ANO1: variants seen among roughly 807,000 people sequenced by gnomAD.
ANO1 encodes the protein anoctamin 1.
ANO1 carries 59 observed loss-of-function variants against 124.0 expected under a neutral mutation model. The ratio of observed to expected loss-of-function variants is 0.48; its 90% CI spans 0.39 to 0.59. ANO1 has a LOEUF of 0.59. Ranked by LOEUF, ANO1 falls within the 20% of genes least tolerant of loss-of-function variation. The pLI is 0.00. For missense variants in ANO1, 1,059 were observed against 1,328.0 expected, an observed-to-expected ratio of 0.80 and a Z score of 3.15; for synonymous variants, 529 against 532.0, an observed-to-expected ratio of 0.99 and a Z score of 0.08.
rs1236645829 is a variant in ANO1 at position 70,121,558 on chromosome 11, CCTCT to C, written c.898-2787_898-2784del. ...GTCTCTGTCTCTCTCCACCTTCCCA[CCTCT>C]CTCTATCTGTCTCTCTGTCTCTGTC... On this transcript the variant is annotated intron_variant, in intron 8 of 25. Transcript: ENST00000355303. 2.4e-4 allele frequency among the ~76,000 whole-genome samples: 34 copies of C among 142,398 alleles called. 1 individual carries two copies. Among genetic ancestry groups the C allele is most frequent in the South Asian group, 2.4e-4 (1 of 4,208 alleles). 93.4% of individuals were successfully genotyped at this position (142,398 alleles called of 152,430 possible).
At chr11:69,984,534 G>T (rs1167997048), upstream of ANO1, among the ~76,000 whole-genome samples, 1 of 152,126 alleles carries the variant, frequency 6.6e-6, no homozygotes, top group African/African-American at 2.4e-5. Context: ...AAGGAGACCC[G>T]GCAGGAAACA....
At chr11:70,044,376 T>A (rs1416305094) in intron 1 of ANO1, among the ~76,000 whole-genome samples, 1 of 152,116 alleles carries the variant, frequency 6.6e-6, no homozygotes, top group East Asian at 1.9e-4. Context: ...AGATTATAGT[T>A]TGAATCAAAA....
chr11:70,133,679 A>G (rs1260046092), intron 11 of ANO1, among the ~76,000 whole-genome samples: 2 of 152,188 alleles, frequency 1.3e-5, no homozygotes, highest in Non-Finnish European at 2.9e-5. Context: ...TCTCTCCAAC[A>G]GTGCATAAGA....
intron 16 of ANO1, among the ~76,000 whole-genome samples, chr11:70,159,275 C>T (rs976540583): frequency 3.9e-5 from 6 of 152,154 alleles, no homozygotes; most frequent in Admixed American, 3.3e-4. Context: ...CAGCCCCTGT[C>T]TGAAGGTGCT....
intron 11 of ANO1, among the ~76,000 whole-genome samples, chr11:70,141,369 A>G (rs1476145177): frequency 6.6e-6 from 1 of 151,962 alleles, no homozygotes; most frequent in Non-Finnish European, 1.5e-5. Context: ...CGACTCTGGG[A>G]GTGGGGGACT....
Position 70,180,000 on chromosome 11 carries a change from C to T in ANO1, c.2351-4C>T, listed in dbSNP as rs2048871684. ...TTTAAAACTGTGACTTCTTCTTCCC[C>T]CAGGAATCTGGTACAATATCCTCAG... On this transcript the variant is annotated splice_polypyrimidine_tract_variant and splice_region_variant and intron_variant, in intron 22 of 25. Coordinates refer to ENST00000355303, the MANE Select transcript of ANO1 (RefSeq NM_018043.7). 2 of 1,612,380 alleles carry T rather than the reference C, an allele frequency of 1.2e-6. No homozygotes were observed. Among genetic ancestry groups the T allele is most frequent in the Non-Finnish European group, 1.7e-6 (2 of 1,178,504 alleles).
intron 1 of ANO1, among the ~76,000 whole-genome samples, chr11:70,013,759 G>T (rs542387034): frequency 2.3e-5 from 3 of 132,986 alleles, no homozygotes; most frequent in South Asian, 2.5e-4. Flanking sequence ...CCGAGATCGC[G>T]CCACTGCACT....
At chr11:69,976,326 G>A in the ANO1 span, among the ~76,000 whole-genome samples, 11 of 151,868 alleles carry the variant, frequency 7.2e-5, no homozygotes, top group African/African-American at 1.7e-4. Context: ...TGGCTAACAC[G>A]GTGAAACCCC....
At chr11:70,085,930 G>C (rs922269111) in intron 1 of ANO1, among the ~76,000 whole-genome samples, 1 of 152,264 alleles carries the variant, frequency 6.6e-6, no homozygotes, top group African/African-American at 2.4e-5. Flanking sequence ...GCAGCCGGAA[G>C]CTGCCCAGGG....
chr11:70,104,442 G>A (rs977526169), intron 4 of ANO1, among the ~76,000 whole-genome samples: 6 of 151,902 alleles, frequency 3.9e-5, no homozygotes, highest in Middle Eastern at 3.2e-3. Context: ...CACCCGCTCC[G>A]CACCCCTGCC....
intron 22 of ANO1, among the ~76,000 whole-genome samples, chr11:70,177,594 C>CTTTTTTTTTTTTT (rs57647858): frequency 1.8e-3 from 143 of 78,922 alleles, no homozygotes; most frequent in Non-Finnish European, 2.4e-3. Context: ...TTTTTTTTTT[C>CTTTTTTTTTTTTT]TTTTTTTTTT....
intron 11 of ANO1, 45 bp from the exon 12 acceptor site, chr11:70,149,665 A>AG: frequency 6.5e-7 from 1 of 1,535,932 alleles, no homozygotes; most frequent in African/African-American, 1.4e-5. Flanking sequence ...AAAAAAAAAA[A>AG]TGCCTTTATG....
chr11:70,155,101 T>C (rs1435124854), intron 14 of ANO1, among the ~76,000 whole-genome samples: 1 of 152,260 alleles, frequency 6.6e-6, no homozygotes, highest in Non-Finnish European at 1.5e-5. Flanking sequence ...CACCCTGTAG[T>C]TGTGTGGTCG....
At chr11:70,086,231 G>A (rs2135216457) in intron 1 of ANO1, among the ~76,000 whole-genome samples, 1 of 152,308 alleles carries the variant, frequency 6.6e-6, no homozygotes, top group South Asian at 2.1e-4. Context: ...TACCCAGCAT[G>A]GCTTTTTTTA....
At chr11:70,082,278 G>T (rs1379302422) in intron 1 of ANO1, among the ~76,000 whole-genome samples, 7 of 152,222 alleles carry the variant, frequency 4.6e-5, no homozygotes, top group Non-Finnish European at 1.0e-4. Context: ...GAATAAGAGG[G>T]CTGGGTGCCA....
chr11:70,116,253 G>A (rs927301043), intron 7 of ANO1, among the ~76,000 whole-genome samples: 42 of 152,190 alleles, frequency 2.8e-4, no homozygotes, highest in Admixed American at 1.3e-3. Flanking sequence ...CCAACAGGGC[G>A]GCCAACAGGG....
chr11:69,998,900 A>G (rs147712695), intron 1 of ANO1, among the ~76,000 whole-genome samples: 3,978 of 152,230 alleles, frequency 0.026, 121 homozygotes, highest in South Asian at 0.11. Flanking sequence ...GTGAGCCGAG[A>G]TAGCACCATT....
the ANO1 span, among the ~76,000 whole-genome samples, chr11:69,973,155 C>T: frequency 6.6e-6 from 1 of 152,042 alleles, no homozygotes; most frequent in Non-Finnish European, 1.5e-5. Context: ...GTGATCCACC[C>T]ACCTCAGCCT....
At chr11:70,133,563 C>T (rs2135533387) in intron 11 of ANO1, among the ~76,000 whole-genome samples, 1 of 152,316 alleles carries the variant, frequency 6.6e-6, no homozygotes, top group East Asian at 1.9e-4. Context: ...ATGCTCCTCC[C>T]CTCTTCATCC....
Sources: allele counts gnomAD v4.1 joint callset (sites outside exome capture counted in the v4.1 genomes callset), GRCh38; gene constraint gnomAD v4.1.1; transcripts MANE v1.5; gene names NCBI Gene and HGNC (gene_info 2026-07-23, HGNC 2026-07-21).